MARCHF1: variants seen among roughly 807,000 people sequenced by gnomAD.
The protein encoded by MARCHF1 is membrane associated ring-CH-type finger 1, also known as E3 ubiquitin-protein ligase MARCHF1.
A neutral mutation model predicts 54.2 loss-of-function variants in MARCHF1; 40 were observed. The observed-to-expected ratio is 0.74, with a 90% CI of 0.57 to 0.96. The LOEUF (loss-of-function observed/expected upper bound fraction) is 0.96, where lower values mean the gene tolerates loss of function less well. Ranked by LOEUF, MARCHF1 falls within the 40% of genes least tolerant of loss-of-function variation. The pLI is 0.00. For synonymous variants in MARCHF1, 236 were observed against 236.3 expected (o/e 1.00, Z 0.01); for missense variants, 586 against 656.5 (o/e 0.89, Z 1.17).
chr4:164,172,545 C>T (rs1029111397), intron 1 of MARCHF1, among the ~76,000 whole-genome samples: 2 of 152,028 alleles, frequency 1.3e-5, no homozygotes, highest in African/African-American at 4.8e-5. Flanking sequence ...TCTTGATCCC[C>T]ACACAAGAAT....
chr4:163,859,819 C>T (rs1261811825), intron 3 of MARCHF1, among the ~76,000 whole-genome samples: 2 of 152,078 alleles, frequency 1.3e-5, no homozygotes, highest in Non-Finnish European at 2.9e-5. Flanking sequence ...ATGTAAGTGA[C>T]CCCAAAGAGA....
At chr4:164,210,048 A>C (rs1250324261) in intron 1 of MARCHF1, among the ~76,000 whole-genome samples, 1 of 152,206 alleles carries the variant, frequency 6.6e-6, no homozygotes, top group African/African-American at 2.4e-5. Flanking sequence ...TTCTTATTGA[A>C]CAGTACAAAA....
At chr4:163,702,074 C>G (rs1744827727) in intron 4 of MARCHF1, among the ~76,000 whole-genome samples, 1 of 152,178 alleles carries the variant, frequency 6.6e-6, no homozygotes, top group Non-Finnish European at 1.5e-5. Flanking sequence ...GTGTCATGTG[C>G]AGGCTTACAG....
At chr4:164,330,299 A>T (rs1735401158) in intron 1 of MARCHF1, 1 of 152,156 alleles carries the variant, frequency 6.6e-6, no homozygotes, top group Non-Finnish European at 1.5e-5. Flanking sequence ...CCAGTTTATT[A>T]GGTTGCTGTC....
intron 4 of MARCHF1, among the ~76,000 whole-genome samples, chr4:163,739,085 C>A (rs774187772): frequency 1.3e-5 from 2 of 152,146 alleles, no homozygotes; most frequent in African/African-American, 4.8e-5. Context: ...TACCTCAATA[C>A]AATACTCAAC....
At chr4:164,188,075 C>A (rs1158893172) in intron 1 of MARCHF1, among the ~76,000 whole-genome samples, 1 of 152,086 alleles carries the variant, frequency 6.6e-6, no homozygotes, top group African/African-American at 2.4e-5. Flanking sequence ...GCCAAGTCAG[C>A]GAGCAGGGCA....
At chr4:163,856,984 G>A (rs1267915348) in intron 3 of MARCHF1, among the ~76,000 whole-genome samples, 2 of 151,260 alleles carry the variant, frequency 1.3e-5, no homozygotes, top group African/African-American at 4.9e-5. Context: ...CTGCACTCCA[G>A]CCTGGACAAT....
intron 4 of MARCHF1, among the ~76,000 whole-genome samples, chr4:163,727,044 C>A (rs760219577): frequency 2.2e-4 from 33 of 152,048 alleles, no homozygotes; most frequent in Admixed American, 1.2e-3. Context: ...CTTGGCAGTG[C>A]CTTTTGCAGC....
intron 1 of MARCHF1, among the ~76,000 whole-genome samples, chr4:164,298,671 TTC>T (rs1303691421): frequency 8.5e-5 from 13 of 152,146 alleles, no homozygotes; most frequent in Non-Finnish European, 1.0e-4. Context: ...AAATAAGGTT[TTC>T]TTTTAGTATG....
intron 4 of MARCHF1, among the ~76,000 whole-genome samples, chr4:163,755,643 G>A (rs1746643883): frequency 1.3e-5 from 2 of 149,588 alleles, no homozygotes. Flanking sequence ...TTTCCTGAAG[G>A]AAAAAGATCC....
chr4:164,037,198 T>C (rs1754024608), intron 2 of MARCHF1, among the ~76,000 whole-genome samples: 1 of 152,080 alleles, frequency 6.6e-6, no homozygotes, highest in Non-Finnish European at 1.5e-5. Context: ...AGATGCTCAG[T>C]AGGCTGTTGG....
chr4:163,903,107 C>T (rs1750976739), intron 3 of MARCHF1, among the ~76,000 whole-genome samples: 1 of 152,084 alleles, frequency 6.6e-6, no homozygotes, highest in South Asian at 2.1e-4. Context: ...ACTCAGATTA[C>T]CGTCAATACA....
chr4:164,228,722 A>G (rs1437915144), intron 1 of MARCHF1, among the ~76,000 whole-genome samples: 1 of 152,178 alleles, frequency 6.6e-6, no homozygotes, highest in Non-Finnish European at 1.5e-5. Context: ...CCCTTTGTTC[A>G]GGATTTCTTG....
At chr4:163,932,824 A>T (rs1751708243) in intron 3 of MARCHF1, 1 of 621,976 alleles carries the variant, frequency 1.6e-6, no homozygotes, top group African/African-American at 1.8e-5. Flanking sequence ...TTGTTGGATA[A>T]ATATTTAACA....
At chr4:164,220,509 A>ATATATATGTAATATATATGATATATATC (rs1176740652) in intron 1 of MARCHF1, among the ~76,000 whole-genome samples, 1 of 145,932 alleles carries the variant, frequency 6.9e-6, no homozygotes, top group African/African-American at 2.5e-5. Flanking sequence ...TGGGAATGGC[A>ATATATATGTAATATATATGATATATATC]TATATATGTA....
At chr4:164,348,633 G>A (rs4383577) in intron 1 of MARCHF1, among the ~76,000 whole-genome samples, 65,123 of 151,908 alleles carry the variant, frequency 0.43, 14,770 homozygotes, top group Non-Finnish European at 0.5. Flanking sequence ...GTTAATATCA[G>A]TATCATTTCT....
intron 9 of MARCHF1, among the ~76,000 whole-genome samples, chr4:163,544,169 T>C (rs957876979): frequency 1.3e-5 from 2 of 152,158 alleles, no homozygotes; most frequent in African/African-American, 4.8e-5. Context: ...GAGAGGACAT[T>C]GGATTTAAAA....
chr4:164,233,687 G>T (rs559068070), intron 1 of MARCHF1, among the ~76,000 whole-genome samples: 10 of 152,018 alleles, frequency 6.6e-5, no homozygotes, highest in African/African-American at 2.4e-4. Context: ...CTCCAAGATG[G>T]CCCATTTTTT....
intron 1 of MARCHF1, among the ~76,000 whole-genome samples, chr4:164,166,150 T>C (rs917690166): frequency 6.6e-6 from 1 of 151,978 alleles, no homozygotes; most frequent in Admixed American, 6.6e-5. Flanking sequence ...CTATCAAAAA[T>C]CAACCTGGGG....
Sources: gnomAD v4.1 joint callset for allele counts (sites outside exome capture counted in the v4.1 genomes callset) on GRCh38, gnomAD v4.1.1 for gene constraint, MANE v1.5 for transcripts, NCBI Gene and HGNC (gene_info 2026-07-23, HGNC 2026-07-21) for gene names.